CNTLN: variants seen among roughly 807,000 people sequenced by gnomAD.
CNTLN encodes the protein centlein.
CNTLN carries 212 observed loss-of-function variants against 180.0 expected under a neutral mutation model. The observed-to-expected ratio is 1.18, with a 90% CI of 1.05 to 1.32. The LOEUF is 1.32. Ranked by LOEUF, CNTLN falls within the 40% of genes most tolerant of loss-of-function variation. The pLI, the probability that CNTLN is intolerant of heterozygous loss-of-function variation, is 0.00. For synonymous variants in CNTLN, 722 were observed against 563.1 expected, an observed-to-expected ratio of 1.28 and a Z score of -3.99; for missense variants, 2,095 against 1,610.9, an observed-to-expected ratio of 1.30 and a Z score of -5.14.
chr9:17,315,277 A>G (rs988561440), intron 8 of CNTLN, among the ~76,000 whole-genome samples: 2 of 152,196 alleles, frequency 1.3e-5, no homozygotes, highest in East Asian at 3.9e-4. Context: ...GATTTGCACC[A>G]TCTTTTCTGT....
At chr9:17,144,889 C>T (rs1274677694) in intron 2 of CNTLN, among the ~76,000 whole-genome samples, 5 of 148,752 alleles carry the variant, frequency 3.4e-5, no homozygotes, top group Admixed American at 6.7e-5. Flanking sequence ...GGCCAGACTG[C>T]GGACTGCAGT....
chr9:17,204,770 C>G (rs560185490), intron 2 of CNTLN, among the ~76,000 whole-genome samples: 1 of 152,158 alleles, frequency 6.6e-6, no homozygotes, highest in Non-Finnish European at 1.5e-5. Context: ...AGATTAAGCC[C>G]GCTAAAGCTG....
At chr9:17,370,112 A>C (rs2133474482) in intron 13 of CNTLN, among the ~76,000 whole-genome samples, 1 of 152,330 alleles carries the variant, frequency 6.6e-6, no homozygotes, top group South Asian at 2.1e-4. Flanking sequence ...AACAGGAGTT[A>C]GTGAAAAAGA....
At chr9:17,436,816 G>C (rs1437700053) in intron 18 of CNTLN, among the ~76,000 whole-genome samples, 5 of 152,120 alleles carry the variant, frequency 3.3e-5, no homozygotes, top group Non-Finnish European at 5.9e-5. Context: ...TTTGTGATCT[G>C]TGTTCACACC....
chr9:17,413,817 A>T (rs1226812056), intron 16 of CNTLN, among the ~76,000 whole-genome samples: 2 of 152,184 alleles, frequency 1.3e-5, no homozygotes, highest in Non-Finnish European at 2.9e-5. Context: ...TCAGTTTCTT[A>T]AAAACTAAAC....
chr9:17,180,362 T>C (rs1821047455), intron 2 of CNTLN, among the ~76,000 whole-genome samples: 1 of 147,720 alleles, frequency 6.8e-6, no homozygotes, highest in African/African-American at 2.5e-5. Context: ...TATTATATTA[T>C]ATTATATTAT....
rs375384330 is a variant in CNTLN at position 17,376,738 on chromosome 9, A to G, written c.1987+10021A>G. ...AGTGCTGGGATTACAGGCGTGAGCC[A>G]CCGCACCCGGCCATAACCATCTCTT... On this transcript the variant is annotated intron_variant, in intron 13 of 25. Coordinates refer to ENST00000380647, the MANE Select transcript of CNTLN (RefSeq NM_017738.4). 1.5e-3 allele frequency among the ~76,000 whole-genome samples: 235 copies of G among 152,300 alleles called. 13 individuals are homozygous for G. The East Asian group carries it at 0.038, about 25-fold the overall frequency.
intron 18 of CNTLN, among the ~76,000 whole-genome samples, chr9:17,431,572 T>C (rs1229842313): frequency 6.6e-6 from 1 of 152,188 alleles, no homozygotes; most frequent in Non-Finnish European, 1.5e-5. Flanking sequence ...TTTTTGCTTT[T>C]GTTACCTGTG....
At chr9:17,435,366 A>G (rs1829705865) in intron 18 of CNTLN, among the ~76,000 whole-genome samples, 2 of 152,176 alleles carry the variant, frequency 1.3e-5, no homozygotes, top group South Asian at 4.1e-4. Flanking sequence ...ATTTATTTTT[A>G]TACTGCATTT....
intron 2 of CNTLN, among the ~76,000 whole-genome samples, chr9:17,188,730 C>T (rs1821593760): frequency 6.6e-6 from 1 of 152,112 alleles, no homozygotes; most frequent in African/African-American, 2.4e-5. Flanking sequence ...ATATTTTTCA[C>T]ATCTAGAGGT....
intron 13 of CNTLN, among the ~76,000 whole-genome samples, chr9:17,386,645 A>G (rs576043701): frequency 2.0e-5 from 3 of 152,326 alleles, no homozygotes; most frequent in African/African-American, 7.2e-5. Flanking sequence ...AACAAACGTC[A>G]GCAGATAAGT....
intron 18 of CNTLN, among the ~76,000 whole-genome samples, chr9:17,455,353 G>A (rs1831052214): frequency 6.6e-6 from 1 of 152,128 alleles, no homozygotes; most frequent in Admixed American, 6.6e-5. Context: ...TAAAGTACAA[G>A]TCATTTAGTT....
chr9:17,340,875 C>T lies in CNTLN; in HGVS notation c.1693C>T (p.Arg565Trp), dbSNP rs200554713. The change falls in exon 11 of 26, where the codon CGG becomes TGG. Residue 565 changes from arginine (R) to tryptophan (W), a missense_variant. Transcript: ENST00000380647. ...AGATGCCCATGAAAAACGCAAGGAACGGCTACAGATGTTACAGACCAACTA... is the reference window on the plus strand; with the variant it reads ...AGATGCCCATGAAAAACGCAAGGAATGGCTACAGATGTTACAGACCAACTA... Reference protein sequence around the residue: ...LRDAHEKRKERLQMLQTNYRA... With the variant: ...LRDAHEKRKEWLQMLQTNYRA... 326 of 1,611,842 alleles carry T rather than the reference C, an allele frequency of 2.0e-4. No individual in the cohort carries two copies. The highest frequency in any genetic ancestry group is 5.4e-4 in the East Asian group (24 of 44,674).
intron 5 of CNTLN, among the ~76,000 whole-genome samples, chr9:17,268,763 C>A (rs1240773182): frequency 5.3e-5 from 8 of 151,982 alleles, no homozygotes; most frequent in Admixed American, 3.9e-4. Flanking sequence ...CCCCCAGCCT[C>A]GCTGCCACCT....
chr9:17,291,780 T>C (rs7867175), intron 6 of CNTLN, among the ~76,000 whole-genome samples: 38,108 of 152,140 alleles, frequency 0.25, 4,918 homozygotes, highest in South Asian at 0.36. Context: ...CTGTGTCTTT[T>C]AATCGGGGCA....
intron 13 of CNTLN, among the ~76,000 whole-genome samples, chr9:17,383,970 C>CAGTTA (rs1825477026): frequency 6.6e-6 from 1 of 152,066 alleles, no homozygotes; most frequent in South Asian, 2.1e-4. Flanking sequence ...ATCAGAAACA[C>CAGTTA]AGTTACAATG....
intron 3 of CNTLN, among the ~76,000 whole-genome samples, chr9:17,229,763 A>G (rs1824697042): frequency 1.3e-5 from 2 of 152,110 alleles, no homozygotes; most frequent in Admixed American, 1.3e-4. Context: ...AGCCTAGCCA[A>G]ACTGACATAT....
chr9:17,436,822 A>G (rs1829805949), intron 18 of CNTLN, among the ~76,000 whole-genome samples: 1 of 152,204 alleles, frequency 6.6e-6, no homozygotes, highest in Admixed American at 6.5e-5. Flanking sequence ...ATCTGTGTTC[A>G]CACCGCTAGT....
At chr9:17,338,969 T>G (rs1821266025) in intron 10 of CNTLN, among the ~76,000 whole-genome samples, 1 of 152,170 alleles carries the variant, frequency 6.6e-6, no homozygotes, top group South Asian at 2.1e-4. Flanking sequence ...AACCTGAGGT[T>G]TTTACTTTTA....
Sources: allele counts gnomAD v4.1 joint callset (sites outside exome capture counted in the v4.1 genomes callset), GRCh38; gene constraint gnomAD v4.1.1; transcripts MANE v1.5; gene names NCBI Gene and HGNC (gene_info 2026-07-23, HGNC 2026-07-21).